GALNT12: variants seen among roughly 807,000 people sequenced by gnomAD.
The protein encoded by GALNT12 is UDP-GalNAc:polypeptide N-acetylgalactosaminyltransferase 12.
A neutral mutation model predicts 55.5 loss-of-function variants in GALNT12; 45 were observed. The ratio of observed to expected loss-of-function variants is 0.81; its 90% CI spans 0.64 to 1.04. The LOEUF is 1.04. Among genes scored for constraint, GALNT12 ranks in the 50% least tolerant of loss-of-function variants. The pLI, the probability that GALNT12 is intolerant of heterozygous loss-of-function variation, is 0.00. For missense variants in GALNT12, 709 were observed against 754.8 expected, an observed-to-expected ratio of 0.94 and a Z score of 0.71; for synonymous variants, 304 against 312.2, an observed-to-expected ratio of 0.97 and a Z score of 0.28.
intron 9 of GALNT12, 35 bp from the exon 10 acceptor site, chr9:98,848,917 T>G (rs1242990326): frequency 6.2e-7 from 1 of 1,613,860 alleles, no homozygotes; most frequent in Admixed American, 1.7e-5. Context: ...GAGACTTTTC[T>G]GATGACTTGC....
intron 1 of GALNT12, among the ~76,000 whole-genome samples, chr9:98,812,617 A>G (rs1835519680): frequency 6.6e-6 from 1 of 152,136 alleles, no homozygotes; most frequent in South Asian, 2.1e-4. Context: ...ACTGACAATC[A>G]TTAACTTTTA....
rs145642769 is a variant in GALNT12, at chr9:98,821,057, A to G, written c.372-2199A>G. Among the ~76,000 whole-genome samples the G allele has an allele frequency of 2.0e-3, 306 of 152,328 alleles. 5 individuals carry two copies. The South Asian group carries it at 0.028, about 14-fold the overall frequency. On this transcript the variant is annotated intron_variant, in intron 1 of 9. Coordinates refer to ENST00000375011, the MANE Select transcript of GALNT12 (RefSeq NM_024642.5). ...GAGTGGTGTTGACACAGATGAATCA[A>G]GAGTACAGTGGCACGATCTAGGCTC...
chr9:98,821,991 C>A (rs1453287216), intron 1 of GALNT12, among the ~76,000 whole-genome samples: 1 of 152,188 alleles, frequency 6.6e-6, no homozygotes, highest in Non-Finnish European at 1.5e-5. Context: ...GCGGTAGGTG[C>A]TCGGGAAGTT....
chr9:98,835,583 A>G (rs959931270), intron 5 of GALNT12, among the ~76,000 whole-genome samples: 3 of 152,140 alleles, frequency 2.0e-5, no homozygotes, highest in Non-Finnish European at 4.4e-5. Context: ...CTCTCACTCT[A>G]TGGAGAGGAG....
chr9:98,819,041 C>T lies in GALNT12; in HGVS notation c.372-4215C>T, dbSNP rs575435347. On this transcript the variant is annotated intron_variant, in intron 1 of 9. Coordinates refer to ENST00000375011, the MANE Select transcript of GALNT12 (RefSeq NM_024642.5). ...GTGTCAGTTGCTTGCCACATAGACT[C>T]CTCCATAGGGCTGCTTGAGTATCCT... is the stretch of plus-strand genomic sequence containing the variant. 8.5e-5 allele frequency among the ~76,000 whole-genome samples: 13 copies of T among 152,280 alleles called. No homozygotes were observed. In the South Asian group the frequency reaches 2.7e-3, roughly 32 times the overall value.
chr9:98,810,348 C>A (rs1216711004), intron 1 of GALNT12, among the ~76,000 whole-genome samples: 2 of 152,130 alleles, frequency 1.3e-5, no homozygotes, highest in African/African-American at 4.8e-5. Flanking sequence ...ACATCTCAGG[C>A]AGAGCCACAG....
intron 1 of GALNT12, among the ~76,000 whole-genome samples, chr9:98,813,697 A>C (rs1835546752): frequency 6.6e-6 from 1 of 152,064 alleles, no homozygotes; most frequent in South Asian, 2.1e-4. Context: ...ACGGGGTTTC[A>C]CCATGTTGGT....
At chr9:98,848,873 C>G (rs1392646086) in intron 9 of GALNT12, 79 bp from the exon 10 acceptor site, 18 of 1,543,294 alleles carry the variant, frequency 1.2e-5, no homozygotes, top group Non-Finnish European at 1.5e-5. Context: ...AAAAATCAGA[C>G]CCTGATCTCT....
rs117381251 is a variant in GALNT12 at position 98,816,118 on chromosome 9, G to A, written c.372-7138G>A. On this transcript the variant is annotated intron_variant, in intron 1 of 9. Coordinates refer to ENST00000375011, the MANE Select transcript of GALNT12 (RefSeq NM_024642.5). The stretch of plus-strand genomic sequence containing the variant: ...TTCTTGTTCGACATTGAAATTGTTT[G>A]CAGCTTTTTGCTATTATAAATAATG... Among the ~76,000 whole-genome samples the A allele has an allele frequency of 5.3e-3, 804 of 152,196 alleles. 6 individuals carry two copies. The highest frequency in any genetic ancestry group is 0.024 in the South Asian group (115 of 4,818).
chr9:98,836,879 C>T (rs1836161492), intron 5 of GALNT12, 93 bp from the exon 6 acceptor site: 3 of 1,336,440 alleles, frequency 2.2e-6, no homozygotes, highest in South Asian at 2.4e-5. Flanking sequence ...GTCCATCATG[C>T]CTTGCGTGTG....
chr9:98,822,025 C>T (rs1835753538), intron 1 of GALNT12, among the ~76,000 whole-genome samples: 1 of 152,190 alleles, frequency 6.6e-6, no homozygotes, highest in South Asian at 2.1e-4. Context: ...TGATAAAGGG[C>T]CCAGTAGCAC....
intron 3 of GALNT12, among the ~76,000 whole-genome samples, chr9:98,829,779 ATGT>A (rs1312880245): frequency 6.6e-6 from 1 of 152,194 alleles, no homozygotes; most frequent in Non-Finnish European, 1.5e-5. Context: ...AGTTCCATCC[ATGT>A]TGTTGCAAAT....
At position 98,826,829 on chromosome 9, in the gene GALNT12, G is replaced by T; in HGVS notation, c.619G>T (p.Gly207Cys). Residue 207 changes from glycine (G) to cysteine (C), a missense_variant, in exon 3 of 10, where the codon GGC becomes TGC. Physicochemically the swap from Gly to Cys is radical, Grantham distance 159 (BLOSUM62 -3). Transcript: ENST00000375011. Reference protein sequence around the residue: ...VRLIRANKREGLVRARLLGAS... With the variant: ...VRLIRANKRECLVRARLLGAS... ...CCTGATCCGCGCCAACAAGAGAGAG[G>T]GCCTGGTGCGAGCCCGGCTGCTGGG... 2 of 1,611,696 alleles carry T rather than the reference G, an allele frequency of 1.2e-6. No homozygotes were observed. The highest frequency in any genetic ancestry group is 1.7e-6 in the Non-Finnish European group (2 of 1,179,462).
At chr9:98,808,769 G>T (rs1160255975) in intron 1 of GALNT12, among the ~76,000 whole-genome samples, 1 of 152,218 alleles carries the variant, frequency 6.6e-6, no homozygotes, top group Non-Finnish European at 1.5e-5. Context: ...TTGCGCCCCT[G>T]CCTAGGTGGG....
chr9:98,822,497 G>A (rs1405885240), intron 1 of GALNT12, among the ~76,000 whole-genome samples: 2 of 152,186 alleles, frequency 1.3e-5, no homozygotes, highest in African/African-American at 4.8e-5. Flanking sequence ...GAGTTGGGTG[G>A]GCTCAGCCCC....
At chr9:98,829,220 G>A (rs532175290) in intron 3 of GALNT12, among the ~76,000 whole-genome samples, 35 of 147,950 alleles carry the variant, frequency 2.4e-4, no homozygotes, top group African/African-American at 8.3e-4. Flanking sequence ...ACAGAGTCTC[G>A]CTCTGTTGCC....
Position 98,844,212 on chromosome 9 carries a change from AG to A in GALNT12, c.1458+5del, listed in dbSNP as rs1389577092. ...GTCATGGGATGGGCCAGAATCAGGT[AG>A]GTATGAGCCTCAAAAGAGGAGAAAG... On this transcript the variant is annotated splice_donor_region_variant and intron_variant, in intron 8 of 9. Coordinates refer to ENST00000375011, the MANE Select transcript of GALNT12 (RefSeq NM_024642.5). 6.5e-7 allele frequency: 1 copy of A among 1,546,278 alleles called. No homozygotes were observed. Among genetic ancestry groups the A allele is most frequent in the Non-Finnish European group, 8.9e-7 (1 of 1,117,930 alleles).
intron 9 of GALNT12, among the ~76,000 whole-genome samples, 175 bp downstream of exon 9, chr9:98,846,298 T>C (rs1379741060): frequency 1.3e-5 from 2 of 152,106 alleles, no homozygotes; most frequent in East Asian, 1.9e-4. Context: ...GGGGCGGTGA[T>C]GGCAGGAGAT....
chr9:98,840,011 G>T lies in GALNT12; in HGVS notation c.1222G>T (p.Gly408Trp). The change falls in exon 7 of 10, where the codon GGG becomes TGG. Residue 408 changes from glycine (G) to tryptophan (W), a missense_variant. Coordinates refer to ENST00000375011, the MANE Select transcript of GALNT12 (RefSeq NM_024642.5). ...RNPRARLEPF[G>W]DVTERKQLRD... ...TTTGTTGTTTTCTCAGGAACCTTTT[G>T]GGGATGTGACAGAGAGGAAGCAGCT... The T allele has an allele frequency of 1.2e-6, 2 of 1,614,108 alleles. No individual in the cohort carries two copies. Among genetic ancestry groups the T allele is most frequent in the South Asian group, 2.2e-5 (2 of 91,072 alleles).
Sources: allele counts gnomAD v4.1 joint callset (sites outside exome capture counted in the v4.1 genomes callset), GRCh38; gene constraint gnomAD v4.1.1; transcripts MANE v1.5; gene names NCBI Gene and HGNC (gene_info 2026-07-23, HGNC 2026-07-21).